Variants in MAGI1 observed in about 807,000 individuals in gnomAD.
MAGI1 encodes the protein membrane-associated guanylate kinase, WW and PDZ domain-containing protein 1.
A neutral mutation model predicts 139.9 loss-of-function variants in MAGI1; 58 were observed. That is an observed-to-expected ratio of 0.41 (90% CI 0.34 to 0.52). MAGI1 has a LOEUF of 0.52. Among genes scored for constraint, MAGI1 ranks in the 20% least tolerant of loss-of-function variants. The pLI is 0.12. For synonymous variants in MAGI1, 812 were observed against 737.9 expected, an observed-to-expected ratio of 1.10 and a Z score of -1.63; for missense variants, 1,874 against 1,901.6, an observed-to-expected ratio of 0.99 and a Z score of 0.27.
chr3:65,887,173 T>C (rs777032452), intron 1 of MAGI1, among the ~76,000 whole-genome samples: 2 of 152,088 alleles, frequency 1.3e-5, no homozygotes, highest in Non-Finnish European at 2.9e-5. Flanking sequence ...TTTATCTGTA[T>C]AGAAAAATTG....
intron 17 of MAGI1, among the ~76,000 whole-genome samples, chr3:65,377,006 T>G (rs1017199928): frequency 6.6e-6 from 1 of 152,220 alleles, no homozygotes; most frequent in Non-Finnish European, 1.5e-5. Context: ...TCACCTACTT[T>G]GAGAATTTGT....
At chr3:65,903,921 T>A (rs1417054440) in intron 1 of MAGI1, among the ~76,000 whole-genome samples, 1 of 151,606 alleles carries the variant, frequency 6.6e-6, no homozygotes, top group African/African-American at 2.4e-5. Flanking sequence ...TGCAGGAGAA[T>A]CGCTTGAACC....
chr3:65,876,355 CA>C (rs57491630), intron 1 of MAGI1, among the ~76,000 whole-genome samples: 1 of 151,560 alleles, frequency 6.6e-6, no homozygotes, highest in Admixed American at 6.6e-5. Context: ...CCACCCCCCC[CA>C]AAAAAGGCAA....
At chr3:65,520,764 T>C (rs1307949350) in intron 2 of MAGI1, among the ~76,000 whole-genome samples, 1 of 152,194 alleles carries the variant, frequency 6.6e-6, no homozygotes, top group East Asian at 1.9e-4. Flanking sequence ...AGCCATCTTC[T>C]ATGCATCAAC....
intron 3 of MAGI1, among the ~76,000 whole-genome samples, chr3:65,490,290 G>A (rs1300899940): frequency 3.3e-5 from 5 of 152,142 alleles, no homozygotes; most frequent in Non-Finnish European, 7.3e-5. Flanking sequence ...GCAACTTGCC[G>A]GAGGGCACAC....
At chr3:65,790,877 C>T (rs2108066213) in intron 1 of MAGI1, among the ~76,000 whole-genome samples, 1 of 152,232 alleles carries the variant, frequency 6.6e-6, no homozygotes, top group South Asian at 2.1e-4. Context: ...GAGTTCAAGA[C>T]CAGCCTGGCC....
chr3:65,865,068 A>AT (rs1559956455), intron 1 of MAGI1, among the ~76,000 whole-genome samples: 1 of 152,176 alleles, frequency 6.6e-6, no homozygotes, highest in Non-Finnish European at 1.5e-5. Context: ...AATATTGTAG[A>AT]TATGTACATC....
At chr3:65,468,470 G>C (rs11711818) in intron 5 of MAGI1, among the ~76,000 whole-genome samples, 18,351 of 139,908 alleles carry the variant, frequency 0.13, 1,344 homozygotes, top group Middle Eastern at 0.2. Context: ...CCACCTCCCA[G>C]GTTCAAGTGA....
intron 1 of MAGI1, among the ~76,000 whole-genome samples, chr3:65,637,560 G>GAAAGAAAC (rs1559743440): frequency 4.9e-4 from 14 of 28,694 alleles, no homozygotes; most frequent in African/African-American, 1.4e-3. Context: ...TCCAAAAAAA[G>GAAAGAAAC]AAAGAAAGAA....
At chr3:65,787,570 T>C (rs1305630985) in intron 1 of MAGI1, among the ~76,000 whole-genome samples, 1 of 148,568 alleles carries the variant, frequency 6.7e-6, no homozygotes, top group Non-Finnish European at 1.5e-5. Context: ...CTATACTAGA[T>C]GCTGGAAATA....
intron 1 of MAGI1, among the ~76,000 whole-genome samples, chr3:65,819,477 C>T (rs1028661180): frequency 2.0e-5 from 3 of 152,082 alleles, no homozygotes; most frequent in African/African-American, 7.2e-5. Context: ...AACAGCAGGA[C>T]AGTTAGGGCT....
chr3:65,774,674 C>T (rs746535613), intron 1 of MAGI1, among the ~76,000 whole-genome samples: 2 of 152,132 alleles, frequency 1.3e-5, no homozygotes, highest in Non-Finnish European at 2.9e-5. Context: ...AAATGGCATA[C>T]ACAAAATGTT....
chr3:65,700,228 G>T (rs2089503069), intron 1 of MAGI1, among the ~76,000 whole-genome samples: 1 of 152,114 alleles, frequency 6.6e-6, no homozygotes, highest in Non-Finnish European at 1.5e-5. Flanking sequence ...CAGATCACGA[G>T]GTCAGGAGTT....
chr3:65,833,889 T>C (rs1028831544), intron 1 of MAGI1, among the ~76,000 whole-genome samples: 3 of 152,354 alleles, frequency 2.0e-5, no homozygotes, highest in South Asian at 2.1e-4. Flanking sequence ...AAAAAGTTTA[T>C]GAACTTTCAC....
chr3:65,796,419 T>C (rs1026774064), intron 1 of MAGI1, among the ~76,000 whole-genome samples: 3 of 152,154 alleles, frequency 2.0e-5, no homozygotes, highest in Admixed American at 2.0e-4. Context: ...AATACCTGGG[T>C]ACCGTGGCCT....
intron 1 of MAGI1, among the ~76,000 whole-genome samples, chr3:66,005,771 A>G (rs957475404): frequency 1.3e-5 from 2 of 152,186 alleles, no homozygotes; most frequent in African/African-American, 4.8e-5. Context: ...AGGACAAGAA[A>G]CATACCACAA....
At chr3:65,563,959 A>G (rs11713857) in intron 2 of MAGI1, among the ~76,000 whole-genome samples, 7,906 of 152,260 alleles carry the variant, frequency 0.052, 291 homozygotes, top group Admixed American at 0.11. Context: ...TGCCTGGCAC[A>G]TGGGAAATAC....
At chr3:65,551,893 G>A (rs1420388877) in intron 2 of MAGI1, among the ~76,000 whole-genome samples, 2 of 152,126 alleles carry the variant, frequency 1.3e-5, no homozygotes, top group Non-Finnish European at 2.9e-5. Context: ...GACATGAGAG[G>A]TTCACCAAAG....
chr3:65,612,255 G>A (rs1032810630), intron 2 of MAGI1, among the ~76,000 whole-genome samples: 1 of 151,978 alleles, frequency 6.6e-6, no homozygotes, highest in African/African-American at 2.4e-5. Context: ...AACAGTGCAA[G>A]AATAAGAATA....
Sources: gnomAD v4.1 joint callset for allele counts (sites outside exome capture counted in the v4.1 genomes callset) on GRCh38, gnomAD v4.1.1 for gene constraint, MANE v1.5 for transcripts, NCBI Gene and HGNC (gene_info 2026-07-23, HGNC 2026-07-21) for gene names.